The following WWOX variants were observed in gnomAD, a reference collection of about 807,000 sequenced individuals.
The protein encoded by WWOX is WW domain-containing oxidoreductase.
A neutral mutation model predicts 46.2 loss-of-function variants in WWOX; 69 were observed. The observed-to-expected ratio is 1.49, with a 90% confidence interval of 1.23 to 1.82. The LOEUF (loss-of-function observed/expected upper bound fraction) is 1.82. Ranked by LOEUF, WWOX falls within the 40% of genes most tolerant of loss-of-function variation. The pLI is 0.00. For synonymous variants in WWOX, 359 were observed against 202.6 expected, an observed-to-expected ratio of 1.77 and a Z score of -6.56; for missense variants, 919 against 542.6, an observed-to-expected ratio of 1.69 and a Z score of -6.89.
At chr16:79,097,143 A>C (rs2049092609) in intron 8 of WWOX, among the ~76,000 whole-genome samples, 1 of 151,980 alleles carries the variant, frequency 6.6e-6, no homozygotes, top group African/African-American at 2.4e-5. Context: ...ACAGGAATAC[A>C]TGTAGGGTGA....
At chr16:78,469,168 G>T (rs1434099846) in intron 8 of WWOX, among the ~76,000 whole-genome samples, 6 of 152,170 alleles carry the variant, frequency 3.9e-5, no homozygotes, top group African/African-American at 1.4e-4. Flanking sequence ...GTCACCACAT[G>T]CTTGTTATGG....
intron 8 of WWOX, among the ~76,000 whole-genome samples, chr16:78,549,381 G>C (rs2151540338): frequency 6.6e-6 from 1 of 152,246 alleles, no homozygotes; most frequent in East Asian, 1.9e-4. Context: ...CACTCAAAAG[G>C]TTTTTAGACA....
intron 8 of WWOX, among the ~76,000 whole-genome samples, chr16:79,126,821 C>T (rs1002587511): frequency 6.6e-6 from 1 of 152,022 alleles, no homozygotes; most frequent in Non-Finnish European, 1.5e-5. Context: ...TCCTATAGGA[C>T]ATGCAAAGCC....
intron 5 of WWOX, among the ~76,000 whole-genome samples, chr16:78,165,472 G>C (rs2034939891): frequency 6.6e-6 from 1 of 152,120 alleles, no homozygotes; most frequent in Non-Finnish European, 1.5e-5. Context: ...AGACCTTTGG[G>C]GTCCCCAAGG....
At chr16:78,674,039 T>G (rs2047529078) in intron 8 of WWOX, among the ~76,000 whole-genome samples, 1 of 152,176 alleles carries the variant, frequency 6.6e-6, no homozygotes, top group Non-Finnish European at 1.5e-5. Context: ...CAAGACTTTT[T>G]GGATTCTCGA....
At chr16:78,827,374 C>G (rs928122919) in intron 8 of WWOX, among the ~76,000 whole-genome samples, 3 of 152,040 alleles carry the variant, frequency 2.0e-5, no homozygotes, top group Non-Finnish European at 2.9e-5. Context: ...GGCTCGGTGT[C>G]ATCAACTCAC....
chr16:78,354,312 CTT>C (rs55635025), intron 5 of WWOX, among the ~76,000 whole-genome samples: 1 of 123,262 alleles, frequency 8.1e-6, no homozygotes. Flanking sequence ...ATGTGCTTAA[CTT>C]TTTTTTTTTT....
At chr16:78,618,936 A>T (rs962445087) in intron 8 of WWOX, among the ~76,000 whole-genome samples, 1 of 150,482 alleles carries the variant, frequency 6.6e-6, no homozygotes, top group Non-Finnish European at 1.5e-5. Flanking sequence ...TGCAACTCCC[A>T]CTGCTGCTGC....
chr16:78,696,364 T>C (rs1294191318), intron 8 of WWOX, among the ~76,000 whole-genome samples: 1 of 152,204 alleles, frequency 6.6e-6, no homozygotes, highest in Non-Finnish European at 1.5e-5. Context: ...CTTCAGACTC[T>C]ATAGACAGTC....
At chr16:78,335,095 G>A (rs1196031912) in intron 5 of WWOX, among the ~76,000 whole-genome samples, 1 of 152,132 alleles carries the variant, frequency 6.6e-6, no homozygotes, top group Non-Finnish European at 1.5e-5. Context: ...TGAATCAGAA[G>A]CTTGTGGGGT....
intron 8 of WWOX, among the ~76,000 whole-genome samples, chr16:78,799,514 C>T (rs942665658): frequency 1.3e-5 from 2 of 152,152 alleles, no homozygotes; most frequent in Non-Finnish European, 2.9e-5. Context: ...ATCGTCATCA[C>T]ATGTCATTTT....
intron 8 of WWOX, among the ~76,000 whole-genome samples, chr16:78,671,797 C>G (rs187448865): frequency 6.6e-6 from 1 of 152,186 alleles, no homozygotes; most frequent in Non-Finnish European, 1.5e-5. Context: ...TTCAATTTGC[C>G]TTGCTAATAA....
intron 6 of WWOX, among the ~76,000 whole-genome samples, chr16:78,391,096 C>T (rs1329744817): frequency 1.3e-5 from 2 of 152,144 alleles, no homozygotes; most frequent in Non-Finnish European, 2.9e-5. Context: ...GTGAGAAAAG[C>T]AGCATATTGT....
intron 4 of WWOX, among the ~76,000 whole-genome samples, chr16:78,135,127 G>C (rs528898383): frequency 6.6e-6 from 1 of 152,214 alleles, no homozygotes; most frequent in Non-Finnish European, 1.5e-5. Flanking sequence ...CTGAGAAATA[G>C]AGGATGCAGA....
intron 5 of WWOX, among the ~76,000 whole-genome samples, chr16:78,300,287 G>A (rs1424847223): frequency 1.3e-5 from 2 of 152,166 alleles, no homozygotes; most frequent in East Asian, 1.9e-4. Context: ...TCCAATATGG[G>A]TGTTAGTCAT....
intron 5 of WWOX, among the ~76,000 whole-genome samples, chr16:78,223,597 G>A (rs534879821): frequency 1.2e-3 from 176 of 152,266 alleles, no homozygotes; most frequent in Non-Finnish European, 1.6e-3. Flanking sequence ...AACATGCAAA[G>A]TGCTCAGCGT....
intron 8 of WWOX, chr16:78,691,154 T>G: frequency 1.5e-6 from 1 of 683,624 alleles, no homozygotes; most frequent in Non-Finnish European, 2.7e-6. Flanking sequence ...AAAAGCACAG[T>G]ATTTCCCCCA....
chr16:79,175,801 A>T (rs771813604), intron 8 of WWOX, among the ~76,000 whole-genome samples: 23 of 152,204 alleles, frequency 1.5e-4, no homozygotes, highest in African/African-American at 4.3e-4. Context: ...TTTGGTCCCA[A>T]TGTGCCCTTT....
At chr16:78,735,744 C>G (rs181834151) in intron 8 of WWOX, among the ~76,000 whole-genome samples, 8 of 152,326 alleles carry the variant, frequency 5.3e-5, no homozygotes, top group East Asian at 1.9e-4. Flanking sequence ...CCAATGGACT[C>G]TAACTTTAGA....
Sources: allele counts gnomAD v4.1 joint callset (sites outside exome capture counted in the v4.1 genomes callset), GRCh38; gene constraint gnomAD v4.1.1; transcripts MANE v1.5; gene names NCBI Gene and HGNC (gene_info 2026-07-23, HGNC 2026-07-21).